Variants in PTP4A3 observed in about 807,000 individuals in gnomAD.
The protein encoded by PTP4A3 is protein tyrosine phosphatase 4A3.
A neutral mutation model predicts 15.2 loss-of-function variants in PTP4A3; 9 were observed. The ratio of observed to expected loss-of-function variants is 0.59; its 90% CI spans 0.36 to 1.03. The LOEUF is 1.03. PTP4A3 is among the 50% of genes least tolerant of loss of function. The probability of loss-of-function intolerance (pLI) is 0.02; values close to 1 mark genes in which losing one functional copy is unlikely to be tolerated. For synonymous variants in PTP4A3, 95 were observed against 102.0 expected (o/e 0.93, Z 0.41); for missense variants, 234 against 252.1 (o/e 0.93, Z 0.49).
intron 1 of PTP4A3, among the ~76,000 whole-genome samples, chr8:141,401,078 C>T (rs75291638): frequency 0.015 from 2,338 of 152,172 alleles, 29 homozygotes; most frequent in Non-Finnish European, 0.024. Context: ...GGCACCGTCG[C>T]GAGCCTCTTC....
At chr8:141,402,794 A>G (rs1390080990) in intron 1 of PTP4A3, among the ~76,000 whole-genome samples, 1 of 147,704 alleles carries the variant, frequency 6.8e-6, no homozygotes, top group Non-Finnish European at 1.5e-5. Flanking sequence ...CGTCTTGAGT[A>G]AAGCCCTCCC....
intron 1 of PTP4A3, among the ~76,000 whole-genome samples, chr8:141,412,542 T>C (rs1417137952): frequency 6.6e-6 from 1 of 152,208 alleles, no homozygotes; most frequent in Non-Finnish European, 1.5e-5. Context: ...GTCCCCTGGA[T>C]GGTCCAGGGG....
Position 141,422,161 on chromosome 8 carries a change from G to T in PTP4A3, c.-80G>T, listed in dbSNP as rs1293579828. ...GATCTCGTTCTCCTCATTTTTTGGG[G>T]GTGTGTGGGGACTTCTCAGGTCGTG... On this transcript the variant is annotated 5_prime_UTR_variant, in exon 2 of 6. Transcript: ENST00000521578. The T allele has an allele frequency of 1.5e-6, 2 of 1,353,626 alleles. No homozygotes were observed. The highest frequency in any genetic ancestry group is 2.1e-6 in the Non-Finnish European group (2 of 954,856). The allele number at this position is 1,353,626 out of a possible 1,614,324, so 83.9% of individuals were successfully genotyped here. A position where few individuals can be genotyped will look rare whatever the true frequency, so the allele number is the denominator to read the frequency against.
intron 1 of PTP4A3, among the ~76,000 whole-genome samples, chr8:141,401,309 C>T (rs115161218): frequency 1.1e-3 from 165 of 152,274 alleles, no homozygotes; most frequent in African/African-American, 3.9e-3. Flanking sequence ...CTCTAGCCAG[C>T]CAGCTCATCT....
chr8:141,424,368 G>T (rs1025758360), intron 2 of PTP4A3, among the ~76,000 whole-genome samples: 3 of 152,158 alleles, frequency 2.0e-5, no homozygotes, highest in Non-Finnish European at 4.4e-5. Context: ...GTCGTGTGGG[G>T]CTTCCCTGCT....
chr8:141,427,449 C>A (rs1833629548), intron 4 of PTP4A3, among the ~76,000 whole-genome samples: 1 of 152,220 alleles, frequency 6.6e-6, no homozygotes. Context: ...CCCCCATCTG[C>A]AGAGGGAGAC....
chr8:141,427,962 C>T, intron 5 of PTP4A3, 138 bp downstream of exon 5: 1 of 859,104 alleles, frequency 1.2e-6, no homozygotes, highest in East Asian at 2.8e-5. Flanking sequence ...GGCCTTGCTG[C>T]AGAAACGGGG....
intron 1 of PTP4A3, among the ~76,000 whole-genome samples, chr8:141,393,306 G>T (rs867934226): frequency 4.3e-4 from 66 of 152,206 alleles, no homozygotes; most frequent in African/African-American, 1.5e-3. Context: ...GCTGTAAATG[G>T]GCCCCGAACC....
rs1039439188 is a variant in PTP4A3 at position 141,421,381 on chromosome 8, C to G, written c.-853-7C>G. On this transcript the variant is annotated splice_polypyrimidine_tract_variant and splice_region_variant and intron_variant, in intron 1 of 5. Transcript: ENST00000521578. ...TTTCTATTCATTTCCTTCGTCTTTC[C>G]CCACAGATGCTGTGTGCTGTGGACC... 6.6e-6 allele frequency: 1 copy of G among 152,302 alleles called. No homozygotes were observed. The highest frequency in any genetic ancestry group is 6.5e-5 in the Admixed American group (1 of 15,286). 9.4% of individuals were successfully genotyped at this position (152,302 alleles called of 1,614,324 possible).
At position 141,430,937 on chromosome 8, in the gene PTP4A3, G is replaced by A. The variant is rs971191750; in HGVS notation, c.415G>A (p.Gly139Arg). 7 of 1,613,106 alleles carry A rather than the reference G, an allele frequency of 4.3e-6. No homozygotes were observed. The highest frequency in any genetic ancestry group is 3.3e-5 in the Admixed American group (2 of 59,996). The change falls in exon 6 of 6, where the codon GGA (glycine) becomes AGA (arginine). Residue 139 changes from glycine to arginine, a missense_variant. Coordinates refer to ENST00000521578, the MANE Select transcript of PTP4A3 (RefSeq NM_032611.3). ...TTCCCCTCTTCCCAGGAAGCGCCGC[G>A]GAGCCATCAACAGCAAGCAGCTCAC... ...AIQFIRQKRR[G>R]AINSKQLTYL...
Position 141,425,181 on chromosome 8 carries a change from C to CGGGGGGG in PTP4A3, c.198+46_198+47insGGGGGGG. On this transcript the variant is annotated intron_variant, in intron 3 of 5. Coordinates refer to ENST00000521578, the MANE Select transcript of PTP4A3 (RefSeq NM_032611.3). This position sits in a 1 kb window ranked among gnomAD's most constrained non-coding sequence, Gnocchi z 4.2. ...CGGGGACCCTAGTCACTGCTGCCAC[C>CGGGGGGG]GGGGGAGGGTGGGGCGGGGGGCTCC... The CGGGGGGG allele has an allele frequency of 2.9e-6, 1 of 345,416 alleles. No individual in the cohort carries two copies. The highest frequency in any genetic ancestry group is 3.7e-5 in the Admixed American group (1 of 27,190). 21.4% of individuals were successfully genotyped at this position (345,416 alleles called of 1,614,324 possible).
rs866496485 is a variant in PTP4A3 at position 141,406,815 on chromosome 8, G to A, written c.-853-14573G>A. Among the ~76,000 whole-genome samples the A allele has an allele frequency of 6.6e-5, 10 of 152,172 alleles. No homozygotes were observed. Among genetic ancestry groups the A allele is most frequent in the African/African-American group, 2.4e-4 (10 of 41,440 alleles). ...TTCGCCCTGAATCCTCCTCTGAGCC[G>A]GCTTTGCCTCCTGCTGTTCCCACTG... On this transcript the variant is annotated intron_variant, in intron 1 of 5. Transcript: ENST00000521578. This position sits in a 1 kb window ranked among gnomAD's most constrained non-coding sequence, Gnocchi z 4.5.
intron 2 of PTP4A3, among the ~76,000 whole-genome samples, chr8:141,424,258 G>A (rs577430331): frequency 6.6e-6 from 1 of 152,308 alleles, no homozygotes; most frequent in East Asian, 1.9e-4. Flanking sequence ...AGAGCAGGTG[G>A]GGTGGGAACA....
At chr8:141,417,280 G>C (rs1226160112) in intron 1 of PTP4A3, among the ~76,000 whole-genome samples, 1 of 152,170 alleles carries the variant, frequency 6.6e-6, no homozygotes, top group African/African-American at 2.4e-5. Context: ...TTCCTCACCA[G>C]TACGCTAGGA....
chr8:141,431,360 T>G lies in PTP4A3; in HGVS notation c.*316T>G. The stretch of plus-strand genomic sequence containing the variant: ...CCACACCAGCCAGGCTGGTCTCCTC[T>G]AGCCTGTTTGTTGTGGGGTGGGGGT... On this transcript the variant is annotated 3_prime_UTR_variant, in exon 6 of 6. Transcript: ENST00000521578. The G allele has an allele frequency of 9.8e-6, 4 of 408,494 alleles. No homozygotes were observed. Among genetic ancestry groups the G allele is most frequent in the Non-Finnish European group, 1.3e-5 (3 of 226,484 alleles). The allele number at this position is 408,494 out of a possible 1,614,324, so 25.3% of individuals were successfully genotyped here. A position where few individuals can be genotyped will look rare whatever the true frequency, so the allele number is the denominator to read the frequency against.
chr8:141,427,157 A>G lies in PTP4A3; in HGVS notation c.329+88A>G, dbSNP rs1229579622. On this transcript the variant is annotated intron_variant, in intron 4 of 5. Transcript: ENST00000521578. ...GCCTCGCTTTTGGATGTGGGTCTTG[A>G]ACACACGTCCACGCGACCTTCCCAG... 4.6e-6 allele frequency: 7 copies of G among 1,534,948 alleles called. No individual in the cohort carries two copies. The Admixed American group carries it at 9.1e-5, about 20-fold the overall frequency.
intron 5 of PTP4A3, among the ~76,000 whole-genome samples, chr8:141,430,665 G>T (rs1295283934): frequency 6.6e-6 from 1 of 152,182 alleles, no homozygotes; most frequent in East Asian, 1.9e-4. Flanking sequence ...AAGCCTGGGG[G>T]CCGTAGGGAG....
At chr8:141,409,270 G>A (rs944137905) in intron 1 of PTP4A3, among the ~76,000 whole-genome samples, 2 of 152,236 alleles carry the variant, frequency 1.3e-5, no homozygotes, top group African/African-American at 2.4e-5. Flanking sequence ...AAAGTTCCTG[G>A]CCCGGGGCTG....
At chr8:141,422,840 C>T (rs1833399331) in intron 2 of PTP4A3, among the ~76,000 whole-genome samples, 1 of 152,186 alleles carries the variant, frequency 6.6e-6, no homozygotes, top group Non-Finnish European at 1.5e-5. Context: ...GAGGGAGGGA[C>T]CACTGTGCCC....
Sources: gnomAD v4.1 joint callset for allele counts (sites outside exome capture counted in the v4.1 genomes callset) on GRCh38, gnomAD v4.1.1 for gene constraint, Gnocchi (gnomAD v3.1) non-coding constraint, MANE v1.5 for transcripts, NCBI Gene and HGNC (gene_info 2026-07-23, HGNC 2026-07-21) for gene names.